SYT9: variants seen among roughly 807,000 people sequenced by gnomAD.
SYT9 encodes synaptotagmin-9.
SYT9 carries 22 observed loss-of-function variants against 48.4 expected under a neutral mutation model. The observed-to-expected ratio is 0.45, with a 90% CI of 0.32 to 0.65. The LOEUF is 0.65. Among genes scored for constraint, SYT9 ranks in the 30% least tolerant of loss-of-function variants. The pLI is 0.03. For synonymous variants in SYT9, 265 were observed against 245.0 expected (o/e 1.08, Z -0.76); for missense variants, 577 against 622.0 (o/e 0.93, Z 0.77).
At chr11:7,303,443 T>A in intron 2 of SYT9, 53 bp downstream of exon 2, 1 of 1,461,180 alleles carries the variant, frequency 6.8e-7, no homozygotes, top group Non-Finnish European at 9.2e-7. Context: ...CCCATTCCCC[T>A]CTCTGGCAAC....
At chr11:7,251,792 A>T (rs999085478), upstream of SYT9, among the ~76,000 whole-genome samples, 1 of 151,660 alleles carries the variant, frequency 6.6e-6, no homozygotes, top group Non-Finnish European at 1.5e-5. Context: ...GCCGGGGAGT[A>T]CCCCAGGTCC....
At chr11:7,241,222 A>ACG (rs1344728687) in intron 1 of SYT9, among the ~76,000 whole-genome samples, 1 of 148,198 alleles carries the variant, frequency 6.7e-6, no homozygotes, top group Non-Finnish European at 1.5e-5. Context: ...ACACACACAC[A>ACG]CACACACACA....
intron 6 of SYT9, among the ~76,000 whole-genome samples, chr11:7,424,502 A>C (rs1847417803): frequency 6.6e-6 from 1 of 152,194 alleles, no homozygotes; most frequent in African/African-American, 2.4e-5. Flanking sequence ...CAACATCATA[A>C]GCCTCATGGA....
chr11:7,293,936 G>T (rs1254572384), intron 1 of SYT9, among the ~76,000 whole-genome samples: 2 of 152,136 alleles, frequency 1.3e-5, no homozygotes, highest in East Asian at 3.8e-4. Flanking sequence ...GTAGGATTTG[G>T]CTCACTCCTC....
Position 7,252,957 on chromosome 11 carries a change from C to T in SYT9, c.145+626C>T, listed in dbSNP as rs1438958748. On this transcript the variant is annotated intron_variant, in intron 1 of 6. Coordinates refer to ENST00000318881, the MANE Select transcript of SYT9 (RefSeq NM_175733.4). This position sits in a 1 kb window ranked among gnomAD's most constrained non-coding sequence, Gnocchi z 6.3. ...AGGTGGCCTGGGCCTGGGCGCTAGG[C>T]TCGACCAGCGACTACCGCCGGCCAC... is the stretch of plus-strand genomic sequence containing the variant. Among the ~76,000 whole-genome samples, 1 of 152,250 alleles carries T rather than the reference C, an allele frequency of 6.6e-6. No individual in the cohort carries two copies. Among genetic ancestry groups the T allele is most frequent in the Non-Finnish European group, 1.5e-5 (1 of 68,048 alleles).
At chr11:7,418,541 AC>A (rs1465809048) in intron 5 of SYT9, among the ~76,000 whole-genome samples, 3 of 152,258 alleles carry the variant, frequency 2.0e-5, no homozygotes, top group Non-Finnish European at 4.4e-5. Flanking sequence ...CTTTCGCCAG[AC>A]CATCAACATT....
At chr11:7,394,672 GT>G (rs140434030) in intron 3 of SYT9, among the ~76,000 whole-genome samples, 10,442 of 151,998 alleles carry the variant, frequency 0.069, 461 homozygotes, top group Middle Eastern at 0.17. Context: ...GCAGTCTCAA[GT>G]TTTTTTTAGT....
intron 6 of SYT9, chr11:7,435,142 C>T (rs1847677084): frequency 6.6e-6 from 1 of 152,308 alleles, no homozygotes; most frequent in Non-Finnish European, 1.5e-5. Flanking sequence ...TAAACCATCA[C>T]TCACAGTGCG....
At chr11:7,346,738 T>G (rs956667573) in intron 3 of SYT9, among the ~76,000 whole-genome samples, 1 of 152,248 alleles carries the variant, frequency 6.6e-6, no homozygotes, top group Non-Finnish European at 1.5e-5. Context: ...TCCTTGATTA[T>G]GTAATCTGTC....
At chr11:7,350,998 C>T (rs1589964651) in intron 3 of SYT9, among the ~76,000 whole-genome samples, 1 of 152,174 alleles carries the variant, frequency 6.6e-6, no homozygotes, top group African/African-American at 2.4e-5. Context: ...GTAACAAAAC[C>T]AGTGATTTTT....
At position 7,414,415 on chromosome 11, in the gene SYT9, T is replaced by A. The variant is rs566752770; in HGVS notation, c.1045-1627T>A. Among the ~76,000 whole-genome samples the A allele has an allele frequency of 2.2e-3, 336 of 152,328 alleles. 1 individual carries two copies. The highest frequency in any genetic ancestry group is 2.3e-3 in the East Asian group (12 of 5,180). On this transcript the variant is annotated intron_variant, in intron 3 of 6. Coordinates refer to ENST00000318881, the MANE Select transcript of SYT9 (RefSeq NM_175733.4). ...GATGTGTGGGGACAGCTGTGGTCTC[T>A]CTTTCCTTTCTGCCACCAGCAGGAG...
At chr11:7,338,838 C>G (rs1267138151) in intron 3 of SYT9, among the ~76,000 whole-genome samples, 1 of 152,190 alleles carries the variant, frequency 6.6e-6, no homozygotes. Flanking sequence ...GTGGAGAGTT[C>G]TGTAGATGTA....
intron 3 of SYT9, among the ~76,000 whole-genome samples, chr11:7,331,821 C>T (rs553593177): frequency 6.6e-5 from 10 of 152,186 alleles, no homozygotes; most frequent in Middle Eastern, 3.2e-3. Context: ...CTTCAAGCAT[C>T]CTATATGTCC....
At chr11:7,389,241 A>G (rs1406062564) in intron 3 of SYT9, among the ~76,000 whole-genome samples, 3 of 152,088 alleles carry the variant, frequency 2.0e-5, no homozygotes, top group African/African-American at 7.2e-5. Flanking sequence ...GAATTATTGA[A>G]CCTGAGGATG....
chr11:7,252,237 C>T lies in SYT9; in HGVS notation c.51C>T (p.Ala17=). The part of the protein sequence containing the change: ...ALCHQALQLL[A]ELCARGALEH... ...GTCACCAGGCGCTGCAGCTGCTGGC[C>T]GAGCTCTGTGCCCGTGGGGCCCTGG... Residue 17 remains alanine, a synonymous_variant, in exon 1 of 7, where the codon GCC becomes GCT. Transcript: ENST00000318881. The surrounding 1 kb of genome is among the most constrained non-coding windows in gnomAD (Gnocchi z 6.3). 6.7e-7 allele frequency: 1 copy of T among 1,501,898 alleles called. No individual in the cohort carries two copies. The highest frequency in any genetic ancestry group is 8.9e-7 in the Non-Finnish European group (1 of 1,125,948). 93.0% of individuals were successfully genotyped at this position (1,501,898 alleles called of 1,614,324 possible).
intron 4 of SYT9, among the ~76,000 whole-genome samples, chr11:7,417,654 G>A (rs538543229): frequency 2.2e-4 from 34 of 152,272 alleles, no homozygotes; most frequent in African/African-American, 7.7e-4. Context: ...TGCTATCCTG[G>A]CCAGGCCAGT....
intron 1 of SYT9, among the ~76,000 whole-genome samples, chr11:7,246,091 C>T (rs1238275895): frequency 6.6e-6 from 1 of 152,002 alleles, no homozygotes; most frequent in African/African-American, 2.4e-5. Context: ...GTCCTTCTCT[C>T]AAAAGATTTA....
intron 3 of SYT9, among the ~76,000 whole-genome samples, chr11:7,415,248 T>C (rs2881554): frequency 0.17 from 26,188 of 152,130 alleles, 2,475 homozygotes; most frequent in East Asian, 0.21. Flanking sequence ...AGGCGAGTAC[T>C]TGGCTGTGTC....
At chr11:7,402,319 G>A (rs537863508) in intron 3 of SYT9, among the ~76,000 whole-genome samples, 4 of 152,084 alleles carry the variant, frequency 2.6e-5, no homozygotes, top group African/African-American at 7.2e-5. Context: ...GTATTGATGG[G>A]TGGAGTGAAT....
Sources: gnomAD v4.1 joint callset for allele counts (sites outside exome capture counted in the v4.1 genomes callset) on GRCh38, gnomAD v4.1.1 for gene constraint, Gnocchi (gnomAD v3.1) non-coding constraint, MANE v1.5 for transcripts, NCBI Gene and HGNC (gene_info 2026-07-23, HGNC 2026-07-21) for gene names.